The following GPM6A variants were observed in gnomAD, a reference collection of about 807,000 sequenced individuals.
GPM6A encodes glycoprotein M6A.
In GPM6A, 7 loss-of-function variants were observed where a neutral mutation model predicts 32.1. The observed-to-expected ratio is 0.22, with a 90% CI of 0.12 to 0.41. The LOEUF (loss-of-function observed/expected upper bound fraction) is 0.41, where lower values mean the gene tolerates loss of function less well. Among genes scored for constraint, GPM6A ranks in the 10% least tolerant of loss-of-function variants. The pLI, the probability that GPM6A is intolerant of heterozygous loss-of-function variation, is 1.00. For missense variants in GPM6A, 235 were observed against 347.2 expected (o/e 0.68, Z 2.57); for synonymous variants, 130 against 123.4 (o/e 1.05, Z -0.35).
At chr4:175,730,631 C>T (rs1346868565) in intron 1 of GPM6A, among the ~76,000 whole-genome samples, 2 of 151,958 alleles carry the variant, frequency 1.3e-5, no homozygotes, top group East Asian at 1.9e-4. Context: ...CCACCACGCG[C>T]GGCTAATTTT....
intron 1 of GPM6A, among the ~76,000 whole-genome samples, chr4:175,830,703 TA>T (rs1408755213): frequency 6.6e-6 from 1 of 152,162 alleles, no homozygotes; most frequent in African/African-American, 2.4e-5. Flanking sequence ...ATAAATAAAA[TA>T]GAAGGTTCTT....
intron 1 of GPM6A, chr4:175,781,381 G>A (rs1305207945): frequency 6.6e-6 from 1 of 152,142 alleles, no homozygotes; most frequent in East Asian, 1.9e-4. Context: ...GAGGCAGCCA[G>A]AGAAGGAAAC....
At chr4:175,648,368 A>AAT (rs1472352371) in intron 4 of GPM6A, among the ~76,000 whole-genome samples, 10 of 152,144 alleles carry the variant, frequency 6.6e-5, no homozygotes, top group African/African-American at 2.2e-4. Flanking sequence ...CGTGAAGGGG[A>AAT]ATTAAGCTTG....
intron 1 of GPM6A, among the ~76,000 whole-genome samples, chr4:175,853,172 G>T (rs1450490128): frequency 6.6e-6 from 1 of 151,846 alleles, no homozygotes; most frequent in Non-Finnish European, 1.5e-5. Context: ...AACCATTTTG[G>T]TTCAAAGAGA....
intron 1 of GPM6A, chr4:175,790,397 T>C (rs976140846): frequency 1.3e-5 from 2 of 152,206 alleles, no homozygotes; most frequent in African/African-American, 4.8e-5. Flanking sequence ...TTCCTGAGAC[T>C]GCCCTGTAGA....
At chr4:176,002,340 C>T (rs773122799), upstream of GPM6A, 2 of 1,585,754 alleles carry the variant, frequency 1.3e-6, no homozygotes, top group Non-Finnish European at 1.7e-6. Context: ...CTCTGCAGTC[C>T]CCAGAGGAGA....
chr4:175,920,155 C>G (rs890909277), intron 1 of GPM6A, among the ~76,000 whole-genome samples: 1 of 152,318 alleles, frequency 6.6e-6, no homozygotes, highest in African/African-American at 2.4e-5. Context: ...GGGAAATTGT[C>G]CTTTCCAGGA....
chr4:175,851,465 A>G (rs962907860), intron 1 of GPM6A, among the ~76,000 whole-genome samples: 6 of 151,136 alleles, frequency 4.0e-5, no homozygotes, highest in African/African-American at 7.3e-5. Context: ...AGCCCGGGTG[A>G]CAGGGTGAGA....
intron 2 of GPM6A, among the ~76,000 whole-genome samples, chr4:175,676,711 A>C (rs956433577): frequency 3.9e-5 from 6 of 152,168 alleles, no homozygotes; most frequent in African/African-American, 1.4e-4. Context: ...ACACCACTGC[A>C]CTCCAGCCTG....
intron 2 of GPM6A, among the ~76,000 whole-genome samples, chr4:175,683,258 C>A (rs775235974): frequency 2.0e-5 from 3 of 152,196 alleles, no homozygotes; most frequent in Non-Finnish European, 2.9e-5. Flanking sequence ...TTATGTCAGT[C>A]AATTTCTTCC....
At chr4:175,770,801 G>A (rs749015187) in intron 1 of GPM6A, among the ~76,000 whole-genome samples, 1 of 151,930 alleles carries the variant, frequency 6.6e-6, no homozygotes, top group Non-Finnish European at 1.5e-5. Context: ...GATATACTTC[G>A]ATGGTACCTG....
At chr4:175,784,572 T>C (rs891470619) in intron 1 of GPM6A, among the ~76,000 whole-genome samples, 4 of 152,194 alleles carry the variant, frequency 2.6e-5, no homozygotes, top group Non-Finnish European at 4.4e-5. Context: ...TGTAAAATTA[T>C]TTCAAAATTA....
In GPM6A at chr4:175,633,087, T is replaced by C. The variant is rs908245949; in HGVS notation, c.*1818A>G. On this transcript the variant is annotated 3_prime_UTR_variant, in exon 7 of 7. Coordinates refer to ENST00000393658, the MANE Select transcript of GPM6A (RefSeq NM_201591.3). ...CCTGCTACAAAGCACTCTGTGAAAA[T>C]ACAAACTCTAATACCAGAAATAAAA... 7 of 152,408 alleles carry C rather than the reference T, an allele frequency of 4.6e-5. No individual in the cohort carries two copies. Among genetic ancestry groups the C allele is most frequent in the African/African-American group, 1.4e-4 (6 of 41,428 alleles). The allele number at this position is 152,408 out of a possible 1,614,324, so 9.4% of individuals were successfully genotyped here. A position where few individuals can be genotyped will look rare whatever the true frequency, so the allele number is the denominator to read the frequency against.
chr4:175,658,542 A>G (rs2110938191), intron 3 of GPM6A, among the ~76,000 whole-genome samples: 1 of 152,252 alleles, frequency 6.6e-6, no homozygotes, highest in Admixed American at 6.5e-5. Flanking sequence ...AATGTGCAAC[A>G]CCCAGAGAAA....
chr4:175,651,767 A>G (rs1486898271), intron 4 of GPM6A, 67 bp downstream of exon 4: 1 of 1,165,568 alleles, frequency 8.6e-7, no homozygotes, highest in Non-Finnish European at 1.2e-6. Context: ...AATATTTTAG[A>G]GGCAGCTATG....
chr4:175,638,034 G>A lies in GPM6A; in HGVS notation c.684+2095C>T, dbSNP rs1280847068. Among the ~76,000 whole-genome samples, 10 of 148,316 alleles carry A rather than the reference G, an allele frequency of 6.7e-5. No homozygotes were observed. The East Asian group carries it at 9.9e-4, about 15-fold the overall frequency. On this transcript the variant is annotated intron_variant, in intron 6 of 6. Transcript: ENST00000393658. ...GCTGCAGGGCTTATTACTGTCCCTC[G>A]CTAGGTGAACAGTGATTACTGAAAT...
intron 2 of GPM6A, among the ~76,000 whole-genome samples, chr4:175,689,116 A>G (rs1744151421): frequency 6.6e-6 from 1 of 152,180 alleles, no homozygotes; most frequent in African/African-American, 2.4e-5. Context: ...ATTACTGTCA[A>G]TTTATAATGT....
chr4:175,898,177 C>CT (rs942890480), intron 1 of GPM6A, among the ~76,000 whole-genome samples: 2 of 152,286 alleles, frequency 1.3e-5, no homozygotes, highest in Admixed American at 1.3e-4. Context: ...TGTCTTCTTT[C>CT]ATCTATCACA....
At chr4:175,800,631 A>C (rs933523605) in intron 1 of GPM6A, 1 of 153,154 alleles carries the variant, frequency 6.5e-6, no homozygotes, top group East Asian at 1.9e-4. Flanking sequence ...TCTAAAACAC[A>C]GATCATAAAA....
Sources: allele counts gnomAD v4.1 joint callset (sites outside exome capture counted in the v4.1 genomes callset), GRCh38; gene constraint gnomAD v4.1.1; transcripts MANE v1.5; gene names NCBI Gene and HGNC (gene_info 2026-07-23, HGNC 2026-07-21).